CACNA1E: variants seen among roughly 807,000 people sequenced by gnomAD.
CACNA1E encodes the protein calcium voltage-gated channel subunit alpha1 E, also known as voltage-dependent R-type calcium channel subunit alpha-1E.
Under a neutral mutation model 259.2 loss-of-function variants are expected in CACNA1E, and 40 were observed. The observed-to-expected ratio is 0.15, with a 90% confidence interval of 0.12 to 0.20. CACNA1E has a LOEUF of 0.20. Among genes scored for constraint, CACNA1E ranks in the 10% least tolerant of loss-of-function variants. The pLI, the probability that CACNA1E is intolerant of heterozygous loss-of-function variation, is 1.00. For synonymous variants in CACNA1E, 1,104 were observed against 1,138.5 expected, an observed-to-expected ratio of 0.97 and a Z score of 0.61; for missense variants, 1,874 against 3,040.1, an observed-to-expected ratio of 0.62 and a Z score of 9.02.
chr1:181,461,959 T>C (rs914580909), intron 2 of CACNA1E, among the ~76,000 whole-genome samples: 8 of 152,168 alleles, frequency 5.3e-5, no homozygotes, highest in African/African-American at 1.7e-4. Context: ...CACACATACA[T>C]ATACCCACAT....
At chr1:181,671,324 C>T (rs1351957383) in intron 7 of CACNA1E, among the ~76,000 whole-genome samples, 1 of 152,206 alleles carries the variant, frequency 6.6e-6, no homozygotes, top group African/African-American at 2.4e-5. Flanking sequence ...CTGCGTCCAG[C>T]CACCAAACAT....
At chr1:181,728,549 A>T (rs892860524) in intron 18 of CACNA1E, among the ~76,000 whole-genome samples, 1 of 151,172 alleles carries the variant, frequency 6.6e-6, no homozygotes, top group East Asian at 2.0e-4. Context: ...TGTACCCTGC[A>T]CAGATGTGTG....
chr1:181,590,174 T>C (rs1184806861), intron 6 of CACNA1E, among the ~76,000 whole-genome samples: 1 of 151,954 alleles, frequency 6.6e-6, no homozygotes, highest in Non-Finnish European at 1.5e-5. Context: ...GTGCCCTCAA[T>C]TACACCTCAG....
Position 181,683,312 on chromosome 1 carries a change from T to A in CACNA1E, c.1056-27642T>A, listed in dbSNP as rs116464735. On this transcript the variant is annotated intron_variant, in intron 7 of 47. Transcript: ENST00000367573. ...GCAGTGGAAGAGTTGGAACTTCTGA[T>A]TTTTGTTCTCAGTCACTTACTACTG... 1.7e-3 allele frequency among the ~76,000 whole-genome samples: 262 copies of A among 152,358 alleles called. 1 individual carries two copies. Among genetic ancestry groups the A allele is most frequent in the African/African-American group, 5.3e-3 (222 of 41,586 alleles).
chr1:181,741,232 G>A (rs1299467758), intron 25 of CACNA1E, among the ~76,000 whole-genome samples: 1 of 152,194 alleles, frequency 6.6e-6, no homozygotes, highest in African/African-American at 2.4e-5. Context: ...TGGCAAGAAA[G>A]GTTGGGCTGT....
intron 43 of CACNA1E, among the ~76,000 whole-genome samples, chr1:181,789,980 CTTAATTGT>C (rs1661156505): frequency 6.6e-6 from 1 of 152,178 alleles, no homozygotes; most frequent in African/African-American, 2.4e-5. Flanking sequence ...TGGAATTGGA[CTTAATTGT>C]TTAGTTTGGC....
chr1:181,585,748 A>G (rs1651996478), intron 6 of CACNA1E, among the ~76,000 whole-genome samples: 1 of 152,214 alleles, frequency 6.6e-6, no homozygotes. Context: ...CAGCAAGTGC[A>G]GAGATCCTGA....
At chr1:181,603,316 C>T (rs1279197047) in intron 6 of CACNA1E, among the ~76,000 whole-genome samples, 1 of 152,148 alleles carries the variant, frequency 6.6e-6, no homozygotes, top group African/African-American at 2.4e-5. Context: ...GTTGAGAAAA[C>T]CAAGGCTGCC....
chr1:181,771,710 A>C, intron 36 of CACNA1E: 1 of 463,542 alleles, frequency 2.2e-6, no homozygotes, highest in South Asian at 3.8e-5. Context: ...TAACTTCAAC[A>C]TGGCCTGCAA....
chr1:181,477,580 AT>A (rs776337983), intron 2 of CACNA1E, among the ~76,000 whole-genome samples: 1 of 150,858 alleles, frequency 6.6e-6, no homozygotes, highest in Admixed American at 6.6e-5. Flanking sequence ...GGTCTCTACT[AT>A]TTTTTTTTCC....
chr1:181,677,492 G>A (rs369004934), intron 7 of CACNA1E, among the ~76,000 whole-genome samples: 1 of 152,062 alleles, frequency 6.6e-6, no homozygotes, highest in Non-Finnish European at 1.5e-5. Context: ...TATTTATATC[G>A]CAGGTCAGTT....
Position 181,758,215 on chromosome 1 carries a change from A to G in CACNA1E, c.4494+104A>G. 2.9e-6 allele frequency: 3 copies of G among 1,020,492 alleles called. No homozygotes were observed. In the South Asian group the frequency reaches 4.7e-5, roughly 16 times the overall value. 63.2% of individuals were successfully genotyped at this position (1,020,492 alleles called of 1,614,324 possible). A position where few individuals can be genotyped will look rare whatever the true frequency, so the allele number is the denominator to read the frequency against. On this transcript the variant is annotated intron_variant, in intron 31 of 47. Transcript: ENST00000367573. This position sits in a 1 kb window ranked among gnomAD's most constrained non-coding sequence, Gnocchi z 4.2. Reference sequence around the variant, plus strand: ...ATCCCAGCCCATCACTGCTTTACCTACTTTTCCATCATTGAATCCTTTTGT... The same window carrying G: ...ATCCCAGCCCATCACTGCTTTACCTGCTTTTCCATCATTGAATCCTTTTGT...
chr1:181,665,233 A>C (rs567634471), intron 7 of CACNA1E, among the ~76,000 whole-genome samples: 1 of 152,290 alleles, frequency 6.6e-6, no homozygotes, highest in African/African-American at 2.4e-5. Context: ...CCATATATGC[A>C]TACATACACA....
At chr1:181,451,882 G>T (rs1050558898) in intron 2 of CACNA1E, among the ~76,000 whole-genome samples, 1 of 152,162 alleles carries the variant, frequency 6.6e-6, no homozygotes, top group Non-Finnish European at 1.5e-5. Context: ...TTAAGCAGGG[G>T]CATGAGGCAA....
chr1:181,418,820 C>T (rs1253097798), intron 2 of CACNA1E, among the ~76,000 whole-genome samples: 2 of 152,018 alleles, frequency 1.3e-5, no homozygotes, highest in African/African-American at 2.4e-5. Flanking sequence ...CTGGTCCAAG[C>T]ACCTTTTATT....
chr1:181,614,097 A>G (rs937372303), intron 6 of CACNA1E, among the ~76,000 whole-genome samples: 1 of 152,218 alleles, frequency 6.6e-6, no homozygotes, highest in Non-Finnish European at 1.5e-5. Context: ...TCCTGCACCC[A>G]TGTAAAAGCT....
intron 2 of CACNA1E, among the ~76,000 whole-genome samples, chr1:181,467,265 A>G (rs922827265): frequency 6.6e-6 from 1 of 152,236 alleles, no homozygotes; most frequent in Non-Finnish European, 1.5e-5. Flanking sequence ...TTGACCAGAG[A>G]AGCTGAAGGA....
rs74127842 is a variant in CACNA1E, at chr1:181,742,739, C to G, written c.3719+3486C>G. On this transcript the variant is annotated intron_variant, in intron 25 of 47. Transcript: ENST00000367573. ...AAGCTGTGGTGTCCCCTGAGCCCTC[C>G]TGCCGAGGCGTGTGCCTGCCACCAT... Among the ~76,000 whole-genome samples, 775 of 152,328 alleles carry G rather than the reference C, an allele frequency of 5.1e-3. 9 individuals carry two copies. Among genetic ancestry groups the G allele is most frequent in the African/African-American group, 0.018 (743 of 41,580 alleles).
At chr1:181,796,402 G>C (rs958941873) in intron 46 of CACNA1E, among the ~76,000 whole-genome samples, 3 of 152,180 alleles carry the variant, frequency 2.0e-5, no homozygotes, top group Admixed American at 1.3e-4. Flanking sequence ...GGAGAGCAGA[G>C]AGACAGGAAG....
Sources: allele counts gnomAD v4.1 joint callset (sites outside exome capture counted in the v4.1 genomes callset), GRCh38; gene constraint gnomAD v4.1.1; non-coding constraint Gnocchi (gnomAD v3.1); transcripts MANE v1.5; gene names NCBI Gene and HGNC (gene_info 2026-07-23, HGNC 2026-07-21).